Variants in DSCAM observed in about 807,000 individuals in gnomAD.
DSCAM encodes DS cell adhesion molecule, also known as cell adhesion molecule DSCAM.
In DSCAM, 47 loss-of-function variants were observed where a neutral mutation model predicts 217.7. The ratio of observed to expected loss-of-function variants is 0.22; its 90% CI spans 0.17 to 0.28. The LOEUF (loss-of-function observed/expected upper bound fraction) is 0.28. DSCAM is among the 10% of genes least tolerant of loss of function. The pLI is 1.00. For missense variants in DSCAM, 2,080 were observed against 2,618.3 expected (o/e 0.79, Z 4.49); for synonymous variants, 1,056 against 1,015.3 (o/e 1.04, Z -0.76).
At chr21:40,348,152 C>T (rs955725038) in intron 5 of DSCAM, among the ~76,000 whole-genome samples, 1 of 151,282 alleles carries the variant, frequency 6.6e-6, no homozygotes. Context: ...CCATCAGCCA[C>T]ATTATTGCAA....
chr21:40,404,581 T>C (rs1486313832), intron 3 of DSCAM, among the ~76,000 whole-genome samples: 2 of 152,240 alleles, frequency 1.3e-5, no homozygotes, highest in African/African-American at 2.4e-5. Context: ...AAACCTGCTC[T>C]TTGAATTGCA....
intron 3 of DSCAM, among the ~76,000 whole-genome samples, chr21:40,531,073 G>T (rs2076442363): frequency 6.6e-6 from 1 of 152,112 alleles, no homozygotes; most frequent in Non-Finnish European, 1.5e-5. Flanking sequence ...CACACCTCAG[G>T]CAGAATAAGA....
chr21:40,744,330 A>T (rs758001463), intron 1 of DSCAM, among the ~76,000 whole-genome samples: 5 of 152,160 alleles, frequency 3.3e-5, no homozygotes, highest in Admixed American at 6.5e-5. Flanking sequence ...TGTCATACTG[A>T]GGAGACCGGC....
Position 40,055,854 on chromosome 21 carries a change from G to A in DSCAM, c.4920-14C>T. On this transcript the variant is annotated splice_polypyrimidine_tract_variant and intron_variant, in intron 28 of 32. Transcript: ENST00000400454. ...CGGGTATTCTTACTGGGAATAAAAT[G>A]GGGTAATGCATTAACAAATCCAGTT... is the stretch of plus-strand genomic sequence containing the variant. The A allele has an allele frequency of 6.3e-7, 1 of 1,594,088 alleles. No individual in the cohort carries two copies. Among genetic ancestry groups the A allele is most frequent in the South Asian group, 1.1e-5 (1 of 90,644 alleles).
chr21:40,744,220 C>G (rs2091152249), intron 1 of DSCAM, among the ~76,000 whole-genome samples: 1 of 152,108 alleles, frequency 6.6e-6, no homozygotes, highest in African/African-American at 2.4e-5. Flanking sequence ...CCTGGGAGAG[C>G]TAGGAGGGCT....
At chr21:40,431,588 G>A (rs946509448) in intron 3 of DSCAM, among the ~76,000 whole-genome samples, 7 of 152,160 alleles carry the variant, frequency 4.6e-5, no homozygotes, top group Non-Finnish European at 7.3e-5. Context: ...TGAATAGTAA[G>A]CATATTTTTT....
At chr21:40,680,618 CT>C (rs1322209822) in intron 3 of DSCAM, among the ~76,000 whole-genome samples, 1 of 152,238 alleles carries the variant, frequency 6.6e-6, no homozygotes, top group Non-Finnish European at 1.5e-5. Flanking sequence ...CTCTGCTCTA[CT>C]GCAGAGCAGT....
At chr21:40,122,328 C>T (rs1004602337) in intron 20 of DSCAM, among the ~76,000 whole-genome samples, 2 of 152,052 alleles carry the variant, frequency 1.3e-5, no homozygotes, top group Admixed American at 6.6e-5. Flanking sequence ...GAAGACAAAA[C>T]GAGAGGAAGC....
chr21:40,425,721 AC>A (rs2075467978), intron 3 of DSCAM, among the ~76,000 whole-genome samples: 1 of 151,884 alleles, frequency 6.6e-6, no homozygotes, highest in Non-Finnish European at 1.5e-5. Context: ...AAACTTAAAA[AC>A]AAAAATACAG....
chr21:40,786,395 C>T (rs185668720), intron 1 of DSCAM, among the ~76,000 whole-genome samples: 9 of 152,296 alleles, frequency 5.9e-5, no homozygotes, highest in Non-Finnish European at 1.0e-4. Context: ...ACCATAGTCA[C>T]GGGCTCCCAG....
chr21:40,389,477 T>C (rs2075115064), intron 3 of DSCAM, among the ~76,000 whole-genome samples: 1 of 152,240 alleles, frequency 6.6e-6, no homozygotes, highest in Non-Finnish European at 1.5e-5. Flanking sequence ...AGAAAATCTA[T>C]GCTGAATTAC....
intron 10 of DSCAM, among the ~76,000 whole-genome samples, chr21:40,285,264 C>T (rs1026598406): frequency 1.3e-5 from 2 of 152,206 alleles, no homozygotes; most frequent in Middle Eastern, 3.2e-3. Flanking sequence ...CTCCAGCCAC[C>T]GTTTCCCTGG....
chr21:40,713,707 G>A (rs2090808316), intron 1 of DSCAM, among the ~76,000 whole-genome samples: 1 of 152,172 alleles, frequency 6.6e-6, no homozygotes, highest in Non-Finnish European at 1.5e-5. Flanking sequence ...ATGGTGGAAT[G>A]AGCTCATGCA....
chr21:40,210,026 C>T lies in DSCAM; in HGVS notation c.2357-20788G>A, dbSNP rs1288936103. Among the ~76,000 whole-genome samples the T allele has an allele frequency of 3.9e-5, 6 of 152,208 alleles. No individual in the cohort carries two copies. In the East Asian group the frequency reaches 7.7e-4, roughly 20 times the overall value. On this transcript the variant is annotated intron_variant, in intron 11 of 32. Coordinates refer to ENST00000400454, the MANE Select transcript of DSCAM (RefSeq NM_001389.5). ...TGCAACCTATGTTTCCAGTTACCCA[C>T]TAACTCCTTCTTTACCCAGACATTC...
intron 3 of DSCAM, among the ~76,000 whole-genome samples, chr21:40,574,769 A>T (rs2076835821): frequency 6.9e-6 from 1 of 145,524 alleles, no homozygotes; most frequent in Non-Finnish European, 1.5e-5. Context: ...GTGCAATGGC[A>T]GGGTCTTGGC....
At chr21:40,619,028 T>A (rs543226402) in intron 3 of DSCAM, among the ~76,000 whole-genome samples, 7 of 151,754 alleles carry the variant, frequency 4.6e-5, no homozygotes, top group African/African-American at 1.7e-4. Flanking sequence ...GTATGCCACT[T>A]AAACCCACCG....
chr21:40,786,280 A>G (rs190642304), intron 1 of DSCAM, among the ~76,000 whole-genome samples: 146 of 151,952 alleles, frequency 9.6e-4, no homozygotes, highest in African/African-American at 3.4e-3. Flanking sequence ...GAAAGAAAGA[A>G]AAAAAGGAAG....
intron 3 of DSCAM, among the ~76,000 whole-genome samples, chr21:40,381,990 A>G (rs1368199193): frequency 2.6e-5 from 4 of 152,226 alleles, no homozygotes; most frequent in Non-Finnish European, 4.4e-5. Context: ...GTTCTAAGAT[A>G]AAATGTCTTT....
At chr21:40,055,169 G>C (rs1293868144) in intron 29 of DSCAM, among the ~76,000 whole-genome samples, 1 of 152,170 alleles carries the variant, frequency 6.6e-6, no homozygotes, top group African/African-American at 2.4e-5. Context: ...TAAAACTAGG[G>C]CCCTGGTGTT....
Sources: gnomAD v4.1 joint callset for allele counts (sites outside exome capture counted in the v4.1 genomes callset) on GRCh38, gnomAD v4.1.1 for gene constraint, MANE v1.5 for transcripts, NCBI Gene and HGNC (gene_info 2026-07-23, HGNC 2026-07-21) for gene names.